PCM1: variants seen among roughly 807,000 people sequenced by gnomAD.
PCM1 encodes pericentriolar material 1, also known as pericentriolar material 1 protein.
In PCM1, 157 loss-of-function variants were observed where a neutral mutation model predicts 241.9. The observed-to-expected ratio is 0.65, with a 90% CI of 0.57 to 0.74. The LOEUF (loss-of-function observed/expected upper bound fraction) is 0.74. Ranked by LOEUF, PCM1 falls within the 30% of genes least tolerant of loss-of-function variation. The pLI, the probability that PCM1 is intolerant of heterozygous loss-of-function variation, is 0.00. For synonymous variants in PCM1, 1,085 were observed against 784.9 expected (o/e 1.38, Z -6.39); for missense variants, 3,478 against 2,360.1 (o/e 1.47, Z -9.81).
chr8:17,928,619 T>C (rs566686), intron 2 of PCM1, among the ~76,000 whole-genome samples: 1 of 17,284 alleles, frequency 5.8e-5, no homozygotes, highest in Non-Finnish European at 1.4e-4. Flanking sequence ...TCTCCCTCTT[T>C]TTTTTTTTTT....
intron 26 of PCM1, among the ~76,000 whole-genome samples, chr8:17,988,693 C>G (rs1407335322): frequency 6.6e-6 from 1 of 151,732 alleles, no homozygotes; most frequent in Admixed American, 6.6e-5. Context: ...AAAAACTGGG[C>G]AAGAGATTTG....
intron 21 of PCM1, among the ~76,000 whole-genome samples, chr8:17,967,721 T>A (rs2075426464): frequency 6.6e-6 from 1 of 152,242 alleles, no homozygotes; most frequent in South Asian, 2.1e-4. Context: ...ACCTGTTCAA[T>A]GGCTGCTGTA....
chr8:17,941,939 T>C (rs2062199151), intron 6 of PCM1, among the ~76,000 whole-genome samples: 1 of 152,240 alleles, frequency 6.6e-6, no homozygotes. Flanking sequence ...TACTCTTACA[T>C]ATTAATTGTT....
intron 2 of PCM1, 121 bp from the exon 3 acceptor site, chr8:17,935,467 GC>G (rs2060148863): frequency 1.7e-6 from 1 of 590,256 alleles, no homozygotes; most frequent in Non-Finnish European, 3.1e-6. Context: ...GGTTGACAGT[GC>G]CTCATTTTAG....
chr8:18,020,746 A>G (rs1254265966), intron 36 of PCM1, among the ~76,000 whole-genome samples: 1 of 152,228 alleles, frequency 6.6e-6, no homozygotes, highest in Admixed American at 6.5e-5. Flanking sequence ...GAATTACGTG[A>G]TCTAAGACTT....
At chr8:18,010,796 C>G (rs1035690749) in intron 32 of PCM1, 128 bp downstream of exon 32, 2 of 613,512 alleles carry the variant, frequency 3.3e-6, no homozygotes, top group African/African-American at 3.8e-5. Flanking sequence ...GCCTGGCCAA[C>G]ATGGTGAAAC....
chr8:17,945,641 A>T (rs1457464816), intron 6 of PCM1, among the ~76,000 whole-genome samples: 1 of 152,176 alleles, frequency 6.6e-6, no homozygotes, highest in Non-Finnish European at 1.5e-5. Flanking sequence ...CTCATTCACA[A>T]TACTGATGAG....
In PCM1 at chr8:18,011,817, A is replaced by G. The variant is rs768176303; in HGVS notation, c.5501A>G (p.His1834Arg). ...ANTEATEENEHDEQVLQRDFK... is the reference protein window; with the variant it reads ...ANTEATEENERDEQVLQRDFK... Reference sequence around the variant, plus strand: ...ACTGAAGCTACTGAAGAAAATGAACATGATGAACAGGTATTCCCGTATTGA... The same window carrying G: ...ACTGAAGCTACTGAAGAAAATGAACGTGATGAACAGGTATTCCCGTATTGA... The change falls in exon 34 of 39, where the codon CAT becomes CGT. Residue 1834 changes from histidine (H) to arginine (R), a missense_variant. His to Arg is a conservative substitution (Grantham distance 29). Coordinates refer to ENST00000325083, the MANE Select transcript of PCM1 (RefSeq NM_006197.4). 44 of 1,612,724 alleles carry G rather than the reference A, an allele frequency of 2.7e-5. No homozygotes were observed. Among genetic ancestry groups the G allele is most frequent in the South Asian group, 2.0e-4 (18 of 90,716 alleles).
In PCM1 at chr8:18,014,567, C is replaced by A. The variant is rs946821680; in HGVS notation, c.5585-17C>A. 8.2e-6 allele frequency: 13 copies of A among 1,581,290 alleles called. No homozygotes were observed. In the African/African-American group the frequency reaches 1.8e-4, roughly 21 times the overall value. The stretch of plus-strand genomic sequence containing the variant: ...TTTTTGCATTACACTAATGTTAAGA[C>A]TTTCTTTTGATGACAGATGACCAAA... On this transcript the variant is annotated splice_polypyrimidine_tract_variant and intron_variant, in intron 35 of 38. Transcript: ENST00000325083.
chr8:18,006,205 T>C, intron 29 of PCM1, 58 bp from the exon 30 acceptor site: 1 of 1,371,744 alleles, frequency 7.3e-7, no homozygotes. Context: ...TATGGATTGA[T>C]TTTCTTTTTT....
chr8:18,023,096 G>A (rs2093889110), intron 36 of PCM1, among the ~76,000 whole-genome samples: 1 of 152,076 alleles, frequency 6.6e-6, no homozygotes, highest in Non-Finnish European at 1.5e-5. Context: ...CAATTGGTGG[G>A]TAATAGGATC....
intron 29 of PCM1, among the ~76,000 whole-genome samples, chr8:18,001,371 G>A (rs1292779047): frequency 6.6e-6 from 1 of 152,028 alleles, no homozygotes; most frequent in Non-Finnish European, 1.5e-5. Context: ...AAAATTTTTA[G>A]TTCAAAGGTC....
chr8:17,939,827 A>C lies in PCM1; in HGVS notation c.749A>C (p.Glu250Ala). The C allele has an allele frequency of 6.6e-7, 1 of 1,518,710 alleles. No individual in the cohort carries two copies. The highest frequency in any genetic ancestry group is 8.9e-7 in the Non-Finnish European group (1 of 1,122,622). 94.1% of individuals were successfully genotyped at this position (1,518,710 alleles called of 1,614,324 possible). A position where few individuals can be genotyped will look rare whatever the true frequency, so the allele number is the denominator to read the frequency against. ...CTAATAGATCACCTTAAAGAACAAGAGAAGTCATATATGAAATTTCTTAAA... is the reference window on the plus strand; with the variant it reads ...CTAATAGATCACCTTAAAGAACAAGCGAAGTCATATATGAAATTTCTTAAA... Reference protein sequence around the residue: ...THLIDHLKEQEKSYMKFLKKI... With the variant: ...THLIDHLKEQAKSYMKFLKKI... The change falls in exon 6 of 39, where the codon GAG becomes GCG. Residue 250 changes from glutamate (E) to alanine (A), a missense_variant. By Grantham distance (107) the Glu-to-Ala change is moderately radical. Transcript: ENST00000325083.
At chr8:17,992,215 G>A (rs2084920557) in intron 28 of PCM1, among the ~76,000 whole-genome samples, 2 of 152,196 alleles carry the variant, frequency 1.3e-5, no homozygotes, top group African/African-American at 4.8e-5. Context: ...GCACGTGCAA[G>A]TATCTTTTTC....
In PCM1 at chr8:18,018,875, T is replaced by TACATATAC. The variant is rs1473453041; in HGVS notation, c.5841+4036_5841+4037insCATATACA. Among the ~76,000 whole-genome samples the TACATATAC allele has an allele frequency of 3.9e-4, 19 of 48,482 alleles. No individual in the cohort carries two copies. The East Asian group carries it at 4.4e-3, about 11-fold the overall frequency. 31.8% of individuals were successfully genotyped at this position (48,482 alleles called of 152,430 possible). On this transcript the variant is annotated intron_variant, in intron 36 of 38. Coordinates refer to ENST00000325083, the MANE Select transcript of PCM1 (RefSeq NM_006197.4). ...GTGTATATATATATATATATATATA[T>TACATATAC]ATATACACACACATATACATACACA... is the stretch of plus-strand genomic sequence containing the variant.
At chr8:17,927,275 A>T (rs1442943450) in intron 2 of PCM1, 1 of 151,632 alleles carries the variant, frequency 6.6e-6, no homozygotes, top group Non-Finnish European at 1.5e-5. Flanking sequence ...GGATTACAGG[A>T]ACGCCCCACC....
intron 1 of PCM1, among the ~76,000 whole-genome samples, chr8:17,923,621 C>T (rs2055506365): frequency 6.6e-6 from 1 of 151,962 alleles, no homozygotes; most frequent in Non-Finnish European, 1.5e-5. Context: ...CGCGTTCCCT[C>T]TGTGGAACTC....
At chr8:17,986,249 T>C (rs563323860) in intron 26 of PCM1, 162 bp downstream of exon 26, 8 of 466,696 alleles carry the variant, frequency 1.7e-5, no homozygotes, top group Non-Finnish European at 2.2e-5. Context: ...GGGCGAGATA[T>C]AATATGCAAT....
At chr8:17,983,354 T>G in intron 24 of PCM1, 1 of 931,152 alleles carries the variant, frequency 1.1e-6, no homozygotes, top group Non-Finnish European at 1.5e-6. Context: ...CCTAAAGGTT[T>G]TATTGTCCTG....
Sources: allele counts gnomAD v4.1 joint callset (sites outside exome capture counted in the v4.1 genomes callset), GRCh38; gene constraint gnomAD v4.1.1; transcripts MANE v1.5; gene names NCBI Gene and HGNC (gene_info 2026-07-23, HGNC 2026-07-21).